The following NFATC2 variants were observed in gnomAD, a reference collection of about 807,000 sequenced individuals.
NFATC2 encodes the protein nuclear factor of activated T cells 2.
A neutral mutation model predicts 87.3 loss-of-function variants in NFATC2; 22 were observed. That is an observed-to-expected ratio of 0.25 (90% CI 0.18 to 0.36). The LOEUF (loss-of-function observed/expected upper bound fraction) is 0.36, where lower values mean the gene tolerates loss of function less well. Ranked by LOEUF, NFATC2 falls within the 10% of genes least tolerant of loss-of-function variation. The pLI is 1.00. For synonymous variants in NFATC2, 565 were observed against 542.2 expected, an observed-to-expected ratio of 1.04 and a Z score of -0.58; for missense variants, 1,149 against 1,259.1, an observed-to-expected ratio of 0.91 and a Z score of 1.32.
rs553691857 is a variant in NFATC2, at chr20:51,387,997, G to A, written c.*3499C>T. 1.3e-5 allele frequency: 2 copies of A among 151,440 alleles called. No individual in the cohort carries two copies. Among genetic ancestry groups the A allele is most frequent in the Non-Finnish European group, 2.9e-5 (2 of 67,940 alleles). 9.4% of individuals were successfully genotyped at this position (151,440 alleles called of 1,614,324 possible). On this transcript the variant is annotated 3_prime_UTR_variant, in exon 11 of 11. Coordinates refer to ENST00000371564, the MANE Select transcript of NFATC2 (RefSeq NM_012340.5). ...GGCTCACTGAGGCGTCTTGGCTACTGGATGTAAACAAAAAATGCAATATCC... is the reference window on the plus strand; with the variant it reads ...GGCTCACTGAGGCGTCTTGGCTACTAGATGTAAACAAAAAATGCAATATCC...
intron 3 of NFATC2, among the ~76,000 whole-genome samples, chr20:51,502,980 T>C (rs1392639452): frequency 6.6e-6 from 1 of 152,224 alleles, no homozygotes; most frequent in East Asian, 1.9e-4. Flanking sequence ...CAGTAATAAC[T>C]GTCTTGATCA....
chr20:51,398,562 A>G (rs925934686), intron 10 of NFATC2, 81 bp downstream of exon 10: 2 of 848,500 alleles, frequency 2.4e-6, no homozygotes, highest in Non-Finnish European at 3.3e-6. Flanking sequence ...GTTTTCTTAT[A>G]CTTTACTTAA....
chr20:51,494,768 G>A (rs73913453), intron 3 of NFATC2, among the ~76,000 whole-genome samples: 2,241 of 152,276 alleles, frequency 0.015, 58 homozygotes, highest in African/African-American at 0.051. Flanking sequence ...GAAGTTTGTC[G>A]TAAGAGGGGA....
chr20:51,546,051 C>A (rs1055296921), upstream of NFATC2, among the ~76,000 whole-genome samples: 1 of 152,158 alleles, frequency 6.6e-6, no homozygotes, highest in Non-Finnish European at 1.5e-5. Flanking sequence ...TACCCCAATT[C>A]CACTTCCTCT....
At chr20:51,481,575 G>A (rs556207121) in intron 3 of NFATC2, among the ~76,000 whole-genome samples, 72 of 152,272 alleles carry the variant, frequency 4.7e-4, no homozygotes, top group African/African-American at 1.5e-3. Flanking sequence ...AGTGCACACC[G>A]TGAAGGGCTG....
chr20:51,425,493 CCT>C (rs941437242), intron 9 of NFATC2, among the ~76,000 whole-genome samples: 2 of 152,252 alleles, frequency 1.3e-5, no homozygotes, highest in African/African-American at 4.8e-5. Context: ...ACAGAGACTC[CCT>C]GTGTCTCACC....
At chr20:51,470,447 G>A (rs137966664) in intron 5 of NFATC2, among the ~76,000 whole-genome samples, 11 of 152,256 alleles carry the variant, frequency 7.2e-5, no homozygotes, top group Admixed American at 1.3e-4. Flanking sequence ...TGCACTCCTA[G>A]GAAATCACTC....
At chr20:51,467,643 A>C (rs1035692646) in intron 5 of NFATC2, among the ~76,000 whole-genome samples, 2 of 152,242 alleles carry the variant, frequency 1.3e-5, no homozygotes, top group African/African-American at 4.8e-5. Context: ...TTAAAACCAC[A>C]ATGAGATCCC....
chr20:51,508,302 T>A (rs2076217378), intron 3 of NFATC2, among the ~76,000 whole-genome samples: 1 of 151,812 alleles, frequency 6.6e-6, no homozygotes, highest in Non-Finnish European at 1.5e-5. Context: ...TGGCGCACCC[T>A]CCCCCTCTCT....
intron 1 of NFATC2, among the ~76,000 whole-genome samples, chr20:51,525,698 C>T (rs1486257914): frequency 6.6e-6 from 1 of 152,066 alleles, no homozygotes; most frequent in Non-Finnish European, 1.5e-5. Context: ...TCCCAGGTCT[C>T]CCCATTCCAT....
In NFATC2 at chr20:51,432,953, C is replaced by T. The variant is rs1285935802; in HGVS notation, c.2033-197G>A. On this transcript the variant is annotated intron_variant, in intron 8 of 10. Coordinates refer to ENST00000371564, the MANE Select transcript of NFATC2 (RefSeq NM_012340.5). The surrounding 1 kb of genome is among the most constrained non-coding windows in gnomAD (Gnocchi z 4.6). Reference sequence around the variant, plus strand: ...CTTAGGTAGGAAATTTTACCCTGGCCATGAACATCTTGAATTATAGATTTT... The same window carrying T: ...CTTAGGTAGGAAATTTTACCCTGGCTATGAACATCTTGAATTATAGATTTT... 6.6e-6 allele frequency among the ~76,000 whole-genome samples: 1 copy of T among 152,090 alleles called. No individual in the cohort carries two copies. Among genetic ancestry groups the T allele is most frequent in the Non-Finnish European group, 1.5e-5 (1 of 68,014 alleles).
intron 1 of NFATC2, among the ~76,000 whole-genome samples, chr20:51,532,588 G>A (rs1444368538): frequency 3.9e-5 from 6 of 152,146 alleles, no homozygotes; most frequent in East Asian, 1.9e-4. Context: ...AGTGGTCCCC[G>A]CCAGCGCCTC....
At chr20:51,408,150 C>A (rs1408989412) in intron 9 of NFATC2, among the ~76,000 whole-genome samples, 3 of 152,132 alleles carry the variant, frequency 2.0e-5, no homozygotes, top group Non-Finnish European at 2.9e-5. Context: ...GACAGTGAGC[C>A]TCGTGAGAAG....
In NFATC2 at chr20:51,433,489, T is replaced by C. The variant is rs551944630; in HGVS notation, c.2033-733A>G. Among the ~76,000 whole-genome samples the C allele has an allele frequency of 3.1e-4, 47 of 152,172 alleles. 1 individual carries two copies. The highest frequency in any genetic ancestry group is 6.5e-4 in the African/African-American group (27 of 41,434). On this transcript the variant is annotated intron_variant, in intron 8 of 10. Coordinates refer to ENST00000371564, the MANE Select transcript of NFATC2 (RefSeq NM_012340.5). The stretch of plus-strand genomic sequence containing the variant: ...AAAGCACTGAGTACAGTGGCTGGCA[T>C]ACAGTAAGTGCTCAATGCTTGCTGT...
At chr20:51,506,149 A>G (rs904365153) in intron 3 of NFATC2, among the ~76,000 whole-genome samples, 1 of 152,176 alleles carries the variant, frequency 6.6e-6, no homozygotes, top group Non-Finnish European at 1.5e-5. Context: ...GGTTAATGGC[A>G]GCGCCACTAT....
intron 3 of NFATC2, among the ~76,000 whole-genome samples, chr20:51,482,590 A>C (rs1056834973): frequency 5.3e-5 from 8 of 152,206 alleles, no homozygotes; most frequent in Non-Finnish European, 1.0e-4. Context: ...TGATGCTTTA[A>C]TATGTGTTTA....
At chr20:51,431,175 T>A (rs1426441055) in intron 9 of NFATC2, among the ~76,000 whole-genome samples, 4 of 152,238 alleles carry the variant, frequency 2.6e-5, no homozygotes, top group Non-Finnish European at 4.4e-5. Flanking sequence ...CCACAAAAAA[T>A]TTTAAAAGAA....
chr20:51,540,658 G>GTTTTTTTTTTTTTTTTTTT (rs397864888), intron 1 of NFATC2, among the ~76,000 whole-genome samples: 9 of 110,076 alleles, frequency 8.2e-5, no homozygotes, highest in Non-Finnish European at 9.0e-5. Flanking sequence ...TTTTTTTTTT[G>GTTTTTTTTTTTTTTTTTTT]TTTTTTTTTT....
At chr20:51,457,130 C>T (rs1986628280) in intron 5 of NFATC2, among the ~76,000 whole-genome samples, 1 of 152,258 alleles carries the variant, frequency 6.6e-6, no homozygotes, top group Non-Finnish European at 1.5e-5. Context: ...TCCTTTCTTT[C>T]AATATCAAAG....
Sources: allele counts gnomAD v4.1 joint callset (sites outside exome capture counted in the v4.1 genomes callset), GRCh38; gene constraint gnomAD v4.1.1; non-coding constraint Gnocchi (gnomAD v3.1); transcripts MANE v1.5; gene names NCBI Gene and HGNC (gene_info 2026-07-23, HGNC 2026-07-21).